MAPKAP1: variants seen among roughly 807,000 people sequenced by gnomAD.
MAPKAP1 encodes target of rapamycin complex 2 subunit MAPKAP1.
A neutral mutation model predicts 65.7 loss-of-function variants in MAPKAP1; 20 were observed. The observed-to-expected ratio is 0.30, with a 90% CI of 0.21 to 0.44. The LOEUF is 0.44. Ranked by LOEUF, MAPKAP1 falls within the 20% of genes least tolerant of loss-of-function variation. MAPKAP1 has a pLI of 1.00. For missense variants in MAPKAP1, 423 were observed against 648.0 expected, an observed-to-expected ratio of 0.65 and a Z score of 3.77; for synonymous variants, 222 against 244.3, an observed-to-expected ratio of 0.91 and a Z score of 0.85.
chr9:125,628,912 A>G (rs1833190856), intron 4 of MAPKAP1, among the ~76,000 whole-genome samples: 1 of 152,166 alleles, frequency 6.6e-6, no homozygotes, highest in Non-Finnish European at 1.5e-5. Context: ...AAAACAATTT[A>G]AAATGGGCAA....
At chr9:125,508,719 G>A (rs1257278780) in intron 7 of MAPKAP1, among the ~76,000 whole-genome samples, 6 of 152,096 alleles carry the variant, frequency 3.9e-5, no homozygotes, top group African/African-American at 1.4e-4. Flanking sequence ...GCTGGGTGTG[G>A]TGGTGCATGC....
chr9:125,545,120 CT>C (rs1425392827), intron 6 of MAPKAP1, among the ~76,000 whole-genome samples: 50 of 152,362 alleles, frequency 3.3e-4, no homozygotes, highest in African/African-American at 1.2e-3. Context: ...TTACTGAACA[CT>C]CTGTTACTGA....
intron 4 of MAPKAP1, among the ~76,000 whole-genome samples, chr9:125,602,535 A>G (rs1832328441): frequency 6.6e-6 from 1 of 152,186 alleles, no homozygotes; most frequent in Non-Finnish European, 1.5e-5. Flanking sequence ...TCAATTAGGT[A>G]GTCAGCAAAG....
chr9:125,548,211 A>G (rs1171512791), intron 6 of MAPKAP1, among the ~76,000 whole-genome samples: 1 of 152,246 alleles, frequency 6.6e-6, no homozygotes, highest in African/African-American at 2.4e-5. Context: ...AGAAATCAAC[A>G]ATGTGGTCCC....
chr9:125,620,486 ACC>A (rs895696422), intron 4 of MAPKAP1, among the ~76,000 whole-genome samples: 9 of 152,346 alleles, frequency 5.9e-5, no homozygotes, highest in Admixed American at 5.9e-4. Context: ...ATTCCCTTTG[ACC>A]CAGCAATTCT....
intron 6 of MAPKAP1, among the ~76,000 whole-genome samples, chr9:125,550,469 C>T (rs1830554316): frequency 6.6e-6 from 1 of 152,172 alleles, no homozygotes; most frequent in African/African-American, 2.4e-5. Context: ...TTTTTAGATA[C>T]AAAGTAAGTT....
chr9:125,620,865 G>A (rs964122330), intron 4 of MAPKAP1, among the ~76,000 whole-genome samples: 3 of 146,304 alleles, frequency 2.1e-5, no homozygotes, highest in African/African-American at 4.9e-5. Flanking sequence ...GGGTAGGGAC[G>A]ACATGAATGG....
intron 5 of MAPKAP1, among the ~76,000 whole-genome samples, chr9:125,563,702 G>GTAT (rs113809428): frequency 0.16 from 17,896 of 112,272 alleles, 1,219 homozygotes; most frequent in Middle Eastern, 0.28. Flanking sequence ...AAAGCAAAGG[G>GTAT]TATTATTATT....
chr9:125,679,245 C>T (rs1173783405), intron 1 of MAPKAP1, among the ~76,000 whole-genome samples: 3 of 151,962 alleles, frequency 2.0e-5, no homozygotes, highest in Non-Finnish European at 2.9e-5. Context: ...CAGGTGATCC[C>T]CCCACCTCGG....
chr9:125,514,353 C>T (rs1829398800), intron 7 of MAPKAP1, among the ~76,000 whole-genome samples: 1 of 152,164 alleles, frequency 6.6e-6, no homozygotes, highest in Admixed American at 6.5e-5. Context: ...GCTGCCTCCC[C>T]CAGCCTCGAG....
intron 4 of MAPKAP1, among the ~76,000 whole-genome samples, chr9:125,619,941 TAAC>T (rs1832849829): frequency 6.6e-6 from 1 of 152,136 alleles, no homozygotes; most frequent in Admixed American, 6.6e-5. Context: ...TCTGAGCAGT[TAAC>T]AATACCCCTG....
At chr9:125,584,530 G>A (rs1831721646) in intron 5 of MAPKAP1, among the ~76,000 whole-genome samples, 1 of 151,972 alleles carries the variant, frequency 6.6e-6, no homozygotes, top group African/African-American at 2.4e-5. Flanking sequence ...CCTCTGCAGC[G>A]ATTCTCCTGC....
chr9:125,649,927 T>C (rs1282223663), intron 4 of MAPKAP1, among the ~76,000 whole-genome samples: 3 of 152,076 alleles, frequency 2.0e-5, no homozygotes. Flanking sequence ...TTCAAGATAG[T>C]AAAATTATGG....
chr9:125,584,866 A>G (rs943789146), intron 5 of MAPKAP1, among the ~76,000 whole-genome samples: 2 of 152,216 alleles, frequency 1.3e-5, no homozygotes, highest in Non-Finnish European at 2.9e-5. Flanking sequence ...AAAGCACTTT[A>G]AAGTTCAAAT....
At chr9:125,550,376 C>A (rs1205355383) in intron 6 of MAPKAP1, among the ~76,000 whole-genome samples, 1 of 152,210 alleles carries the variant, frequency 6.6e-6, no homozygotes, top group Admixed American at 6.5e-5. Context: ...GGGGAAGCAT[C>A]ACCAAACCAA....
chr9:125,490,189 C>T (rs1393489382), intron 8 of MAPKAP1, among the ~76,000 whole-genome samples: 1 of 152,172 alleles, frequency 6.6e-6, no homozygotes, highest in Non-Finnish European at 1.5e-5. Context: ...ATTTTTATAA[C>T]AACAGCAAGA....
At chr9:125,463,023 C>T (rs950445861) in intron 10 of MAPKAP1, among the ~76,000 whole-genome samples, 4 of 152,218 alleles carry the variant, frequency 2.6e-5, no homozygotes, top group African/African-American at 9.6e-5. Flanking sequence ...TGGTTCAGCT[C>T]TAATATCTCC....
At chr9:125,686,274 T>C (rs1470816931) in intron 1 of MAPKAP1, among the ~76,000 whole-genome samples, 1 of 136,428 alleles carries the variant, frequency 7.3e-6, no homozygotes, top group African/African-American at 2.8e-5. Flanking sequence ...ATAGAGCCAC[T>C]GCACTCCAGC....
intron 5 of MAPKAP1, among the ~76,000 whole-genome samples, chr9:125,575,848 TGC>T (rs1564565859): frequency 6.6e-6 from 1 of 152,198 alleles, no homozygotes; most frequent in Non-Finnish European, 1.5e-5. Context: ...CCTACATATT[TGC>T]CCAAATGAGC....
Sources: gnomAD v4.1 joint callset for allele counts (sites outside exome capture counted in the v4.1 genomes callset) on GRCh38, gnomAD v4.1.1 for gene constraint, MANE v1.5 for transcripts, NCBI Gene and HGNC (gene_info 2026-07-23, HGNC 2026-07-21) for gene names.